Variants in RGS3 observed in about 807,000 individuals in gnomAD.
The protein encoded by RGS3 is regulator of G-protein signalling 3.
In RGS3, 80 loss-of-function variants were observed where a neutral mutation model predicts 132.6. The ratio of observed to expected loss-of-function variants is 0.60; its 90% CI spans 0.50 to 0.73. The LOEUF is 0.73. RGS3 is among the 30% of genes least tolerant of loss of function. The pLI is 0.00. For missense variants in RGS3, 1,382 were observed against 1,530.8 expected (o/e 0.90, Z 1.62); for synonymous variants, 598 against 620.6 (o/e 0.96, Z 0.54).
intron 19 of RGS3, among the ~76,000 whole-genome samples, chr9:113,561,044 A>G (rs544470111): frequency 5.9e-5 from 9 of 151,840 alleles, no homozygotes; most frequent in Non-Finnish European, 1.3e-4. Context: ...TTCTTTTTGA[A>G]ATGGAGTCTT....
chr9:113,583,615 G>C, exon 20 of RGS3: 6 of 1,614,002 alleles, frequency 3.7e-6, no homozygotes, highest in Non-Finnish European at 5.1e-6. Flanking sequence ...GCAGGAACCC[G>C]CTCCCAGCCA....
intron 19 of RGS3, chr9:113,541,799 A>ATGATC: frequency 1.0e-6 from 1 of 997,396 alleles, no homozygotes; most frequent in Admixed American, 6.0e-5. Flanking sequence ...GAACAATGCC[A>ATGATC]TGATCTGCTG....
At chr9:113,590,501 C>G (rs1453345389) in intron 20 of RGS3, among the ~76,000 whole-genome samples, 1 of 150,464 alleles carries the variant, frequency 6.6e-6, no homozygotes. Context: ...CCCACCCACC[C>G]ATATATTCAT....
intron 21 of RGS3, chr9:113,594,134 T>C: frequency 6.2e-7 from 1 of 1,613,124 alleles, no homozygotes; most frequent in Non-Finnish European, 8.5e-7. Context: ...AGTCCAGTCA[T>C]CAGGCCAGGA....
chr9:113,479,122 C>A, intron 3 of RGS3: 2 of 210,218 alleles, frequency 9.5e-6, no homozygotes, highest in Non-Finnish European at 9.6e-6. Flanking sequence ...AATTACCCTC[C>A]ATTTTCACTC....
intron 1 of RGS3, among the ~76,000 whole-genome samples, chr9:113,445,092 C>T (rs1829073385): frequency 6.6e-6 from 1 of 152,166 alleles, no homozygotes; most frequent in Non-Finnish European, 1.5e-5. Context: ...GCTTATATTT[C>T]CAAGAAACTA....
chr9:113,448,985 T>C (rs1333153267), intron 1 of RGS3, among the ~76,000 whole-genome samples: 1 of 152,106 alleles, frequency 6.6e-6, no homozygotes, highest in Non-Finnish European at 1.5e-5. Flanking sequence ...AGGAGCATAG[T>C]GTTCCTATCT....
intron 19 of RGS3, among the ~76,000 whole-genome samples, chr9:113,575,296 C>T (rs890288794): frequency 6.6e-6 from 1 of 152,146 alleles, no homozygotes; most frequent in Non-Finnish European, 1.5e-5. Flanking sequence ...TGGCTTTGTC[C>T]TGAGAGTCCC....
intron 19 of RGS3, among the ~76,000 whole-genome samples, chr9:113,566,543 G>A (rs1442155337): frequency 6.6e-6 from 1 of 152,220 alleles, no homozygotes; most frequent in Non-Finnish European, 1.5e-5. Context: ...AGTTTGAGCA[G>A]CAGGTCTGTG....
chr9:113,540,866 T>G (rs560910825), intron 19 of RGS3, among the ~76,000 whole-genome samples: 24 of 152,348 alleles, frequency 1.6e-4, no homozygotes, highest in African/African-American at 5.8e-4. Flanking sequence ...GTGGATGGAT[T>G]AAGAGGCTTC....
chr9:113,549,106 C>A (rs555050168), intron 19 of RGS3, among the ~76,000 whole-genome samples: 1 of 152,340 alleles, frequency 6.6e-6, no homozygotes, highest in South Asian at 2.1e-4. Flanking sequence ...GGACCTTTCC[C>A]TGCCCCTCCC....
At chr9:113,461,855 G>C in exon 2 of RGS3, 1 of 1,613,438 alleles carries the variant, frequency 6.2e-7, no homozygotes, top group Non-Finnish European at 8.5e-7. Context: ...GCGAAGTTGT[G>C]AAGAGGTGAC....
In RGS3 at chr9:113,541,685, A is replaced by AAGG. The variant is rs1005995871; in HGVS notation, c.2037+4784_2037+4786dup. The AAGG allele has an allele frequency of 1.4e-5, 15 of 1,094,300 alleles. No individual in the cohort carries two copies. In the East Asian group the frequency reaches 1.9e-4, roughly 14 times the overall value. 67.8% of individuals were successfully genotyped at this position (1,094,300 alleles called of 1,614,324 possible). A position where few individuals can be genotyped will look rare whatever the true frequency, so the allele number is the denominator to read the frequency against. The stretch of plus-strand genomic sequence containing the variant: ...GAGGACTCAGAGGCTTCTTCCTTCC[A>AAGG]AGGAGGAGGAGGAGGAGGACATTCC... On this transcript the variant is annotated intron_variant, in intron 19 of 24. Transcript: ENST00000350696.
rs529782668 is a variant in RGS3, at chr9:113,506,799, A to T, written c.1085+306A>T. On this transcript the variant is annotated intron_variant, in intron 12 of 24. Coordinates refer to ENST00000350696, the Ensembl canonical transcript of RGS3. This position sits in a 1 kb window ranked among gnomAD's most constrained non-coding sequence, Gnocchi z 4.7. ...TTTTTGTTACCTAAGAGCTAAGCCC[A>T]TTTGTTATTTAAGGGCATGAAGATG... Among the ~76,000 whole-genome samples, 1 of 152,278 alleles carries T rather than the reference A, an allele frequency of 6.6e-6. No homozygotes were observed. The highest frequency in any genetic ancestry group is 2.1e-4 in the South Asian group (1 of 4,822).
rs757000188 is a variant in RGS3, at chr9:113,498,107, C to T, written c.897+27C>T. On this transcript the variant is annotated intron_variant, in intron 10 of 24. Coordinates refer to ENST00000350696, the Ensembl canonical transcript of RGS3. ...TAGGTGGGGACAAGCTAGGGCATTG[C>T]TCCAGGAGCTGGATCTGCTCCTTGA... 47 of 1,608,764 alleles carry T rather than the reference C, an allele frequency of 2.9e-5. No homozygotes were observed. The South Asian group carries it at 4.2e-4, about 14-fold the overall frequency.
intron 10 of RGS3, among the ~76,000 whole-genome samples, chr9:113,501,207 G>T (rs1588165453): frequency 6.6e-6 from 1 of 152,150 alleles, no homozygotes; most frequent in South Asian, 2.1e-4. Context: ...TTCTGCCTGG[G>T]TTCTCCTCCA....
At chr9:113,449,754 AT>A (rs1186319171) in intron 1 of RGS3, among the ~76,000 whole-genome samples, 1 of 151,832 alleles carries the variant, frequency 6.6e-6, no homozygotes. Context: ...TTTTAATTTT[AT>A]TTTTTGAGAC....
intron 14 of RGS3, among the ~76,000 whole-genome samples, chr9:113,509,007 C>T (rs893800986): frequency 2.3e-4 from 35 of 152,074 alleles, no homozygotes; most frequent in African/African-American, 8.0e-4. Flanking sequence ...TCTCCTTGGT[C>T]GGGCGTGGTG....
At chr9:113,566,549 C>T (rs927915830) in intron 19 of RGS3, among the ~76,000 whole-genome samples, 1 of 152,186 alleles carries the variant, frequency 6.6e-6, no homozygotes, top group African/African-American at 2.4e-5. Context: ...AGCAGCAGGT[C>T]TGTGGCTGAG....
Sources: gnomAD v4.1 joint callset for allele counts (sites outside exome capture counted in the v4.1 genomes callset) on GRCh38, gnomAD v4.1.1 for gene constraint, Gnocchi (gnomAD v3.1) non-coding constraint, MANE v1.5 for transcripts, NCBI Gene and HGNC (gene_info 2026-07-23, HGNC 2026-07-21) for gene names.